The following FGGY variants were observed in gnomAD, a reference collection of about 807,000 sequenced individuals.
FGGY encodes FGGY carbohydrate kinase domain containing, also known as FGGY carbohydrate kinase domain-containing protein.
In FGGY, 72 loss-of-function variants were observed where a neutral mutation model predicts 71.3. The observed-to-expected ratio is 1.01, with a 90% CI of 0.84 to 1.23. FGGY has a LOEUF of 1.23. Among genes scored for constraint, FGGY ranks in the 50% most tolerant of loss-of-function variants. The pLI, the probability that FGGY is intolerant of heterozygous loss-of-function variation, is 0.00. For missense variants in FGGY, 668 were observed against 682.3 expected, an observed-to-expected ratio of 0.98 and a Z score of 0.23; for synonymous variants, 251 against 250.3, an observed-to-expected ratio of 1.00 and a Z score of -0.02.
chr1:59,504,114 A>G (rs1163454085), intron 6 of FGGY, among the ~76,000 whole-genome samples: 1 of 151,458 alleles, frequency 6.6e-6, no homozygotes, highest in East Asian at 1.9e-4. Flanking sequence ...TAAAAACCCA[A>G]GAGTACAGGG....
intron 10 of FGGY, among the ~76,000 whole-genome samples, chr1:59,636,415 A>G (rs1224827050): frequency 1.3e-5 from 2 of 152,020 alleles, no homozygotes; most frequent in Non-Finnish European, 2.9e-5. Context: ...AGGTCAGGAG[A>G]TTGAGACCAT....
At chr1:59,323,965 AC>A (rs940292862) in intron 2 of FGGY, among the ~76,000 whole-genome samples, 1 of 152,116 alleles carries the variant, frequency 6.6e-6, no homozygotes, top group Admixed American at 6.5e-5. Flanking sequence ...TAGGGTTCTT[AC>A]TGTGTAACAC....
intron 4 of FGGY, among the ~76,000 whole-genome samples, chr1:59,371,708 C>T (rs1054086868): frequency 3.3e-5 from 5 of 152,184 alleles, no homozygotes; most frequent in African/African-American, 9.7e-5. Flanking sequence ...AACAAACTGT[C>T]TCTCAGACCA....
chr1:59,379,254 T>C (rs1345122973), intron 5 of FGGY, among the ~76,000 whole-genome samples: 1 of 151,738 alleles, frequency 6.6e-6, no homozygotes, highest in Non-Finnish European at 1.5e-5. Context: ...GGCAATTTCA[T>C]TATTGTTGCA....
intron 4 of FGGY, among the ~76,000 whole-genome samples, chr1:59,374,711 A>C (rs1032922897): frequency 6.6e-6 from 1 of 152,108 alleles, no homozygotes; most frequent in African/African-American, 2.4e-5. Flanking sequence ...ACACCATGGA[A>C]TACTATGCAG....
At chr1:59,361,785 A>G (rs976852081) in intron 4 of FGGY, among the ~76,000 whole-genome samples, 1 of 152,196 alleles carries the variant, frequency 6.6e-6, no homozygotes, top group Non-Finnish European at 1.5e-5. Flanking sequence ...TTGAGCACTC[A>G]CGTCCTCACT....
At chr1:59,333,694 A>G (rs912216203) in intron 2 of FGGY, among the ~76,000 whole-genome samples, 2 of 152,220 alleles carry the variant, frequency 1.3e-5, no homozygotes, top group Non-Finnish European at 2.9e-5. Flanking sequence ...GAGGAGTTGC[A>G]ATGGCTAGAA....
chr1:59,721,763 G>C (rs1160643953), intron 14 of FGGY, among the ~76,000 whole-genome samples: 1 of 151,530 alleles, frequency 6.6e-6, no homozygotes, highest in Non-Finnish European at 1.5e-5. Flanking sequence ...TATTTTATTT[G>C]TTCACCAGTT....
At chr1:59,706,536 C>T (rs1172211690) in intron 14 of FGGY, among the ~76,000 whole-genome samples, 1 of 152,176 alleles carries the variant, frequency 6.6e-6, no homozygotes, top group Non-Finnish European at 1.5e-5. Context: ...ATGCTTACTC[C>T]AAGCTCAGCT....
intron 8 of FGGY, among the ~76,000 whole-genome samples, chr1:59,581,414 G>A (rs1316186725): frequency 1.3e-5 from 2 of 149,818 alleles, no homozygotes; most frequent in Non-Finnish European, 2.9e-5. Context: ...TTGTTTAGAA[G>A]CTATTGGTCA....
intron 11 of FGGY, chr1:59,641,224 T>C: frequency 7.3e-7 from 1 of 1,376,064 alleles, no homozygotes; most frequent in Non-Finnish European, 1.0e-6. Flanking sequence ...AATGATAGAT[T>C]GCCTTTAGCA....
At chr1:59,346,211 G>C in intron 3 of FGGY, 36 bp from the exon 4 acceptor site, 1 of 1,610,254 alleles carries the variant, frequency 6.2e-7, no homozygotes, top group Non-Finnish European at 8.5e-7. Flanking sequence ...GGAAGAGAAT[G>C]TGTGTCCATC....
At chr1:59,588,697 A>G (rs570904859) in intron 8 of FGGY, among the ~76,000 whole-genome samples, 1 of 152,178 alleles carries the variant, frequency 6.6e-6, no homozygotes, top group African/African-American at 2.4e-5. Context: ...CTAAGCTTCA[A>G]AAGTGAAGGA....
intron 11 of FGGY, among the ~76,000 whole-genome samples, chr1:59,646,799 G>A (rs1200490014): frequency 6.6e-6 from 1 of 152,026 alleles, no homozygotes; most frequent in African/African-American, 2.4e-5. Flanking sequence ...GGGTATAAGT[G>A]GAACGGGAAC....
intron 2 of FGGY, among the ~76,000 whole-genome samples, chr1:59,335,765 G>A (rs1246548107): frequency 2.0e-5 from 3 of 152,088 alleles, no homozygotes; most frequent in Admixed American, 2.0e-4. Flanking sequence ...AGTGACTAAT[G>A]ATTTGAGCAC....
chr1:59,752,862 AT>A (rs1410628398), intron 14 of FGGY, among the ~76,000 whole-genome samples: 5 of 152,072 alleles, frequency 3.3e-5, no homozygotes, highest in African/African-American at 1.2e-4. Flanking sequence ...CAGGGCCCCT[AT>A]TTTTTCCTCC....
rs776375344 is a variant in FGGY at position 59,554,139 on chromosome 1, A to T, written c.815A>T (p.Asp272Val). 2.5e-6 allele frequency: 4 copies of T among 1,610,988 alleles called. No homozygotes were observed. The Admixed American group carries it at 6.7e-5, about 27-fold the overall frequency. Residue 272 changes from aspartate (D) to valine (V), a missense_variant, in exon 8 of 16, where the codon GAT becomes GTT. Around this residue, in one of 2 missense-constraint regions of FGGY, gnomAD observed 661 missense variants for 661.6 expected, o/e 1.00. Coordinates refer to ENST00000303721, the MANE Select transcript of FGGY (RefSeq NM_018291.5). Reference sequence around the variant, plus strand: ...TTTCTCACAGGAGTGATTGGGGCAGATGTGAGAGGGCACGGCCTCATCTGT... The same window carrying T: ...TTTCTCACAGGAGTGATTGGGGCAGTTGTGAGAGGGCACGGCCTCATCTGT... ...HAGGLGVIGA[D>V]VRGHGLICEG... is the part of the protein sequence containing the mutation.
At chr1:59,746,317 C>T (rs536486433) in intron 14 of FGGY, among the ~76,000 whole-genome samples, 1 of 152,300 alleles carries the variant, frequency 6.6e-6, no homozygotes, top group East Asian at 1.9e-4. Context: ...AGAATAATGA[C>T]TGTTATCACC....
At chr1:59,408,745 G>T (rs1232417895) in intron 5 of FGGY, among the ~76,000 whole-genome samples, 1 of 152,092 alleles carries the variant, frequency 6.6e-6, no homozygotes, top group Non-Finnish European at 1.5e-5. Flanking sequence ...AAAACAAACG[G>T]CTGGTGTGTT....
Sources: gnomAD v4.1 joint callset for allele counts (sites outside exome capture counted in the v4.1 genomes callset) on GRCh38, gnomAD v4.1.1 for gene constraint, gnomAD v4.1.1 regional missense constraint, MANE v1.5 for transcripts, NCBI Gene and HGNC (gene_info 2026-07-23, HGNC 2026-07-21) for gene names.